Variants in EFCAB5 observed in about 807,000 individuals in gnomAD.
EFCAB5 encodes EF-hand calcium-binding domain-containing protein 5.
A neutral mutation model predicts 167.9 loss-of-function variants in EFCAB5; 131 were observed. The ratio of observed to expected loss-of-function variants is 0.78; its 90% CI spans 0.68 to 0.90. EFCAB5 has a LOEUF of 0.90. Among genes scored for constraint, EFCAB5 ranks in the 40% least tolerant of loss-of-function variants. The probability of loss-of-function intolerance (pLI) is 0.00; values close to 1 mark genes in which losing one functional copy is unlikely to be tolerated. For synonymous variants in EFCAB5, 574 were observed against 602.8 expected, an observed-to-expected ratio of 0.95 and a Z score of 0.70; for missense variants, 1,663 against 1,745.2, an observed-to-expected ratio of 0.95 and a Z score of 0.84.
intron 9 of EFCAB5, 50 bp from the exon 10 acceptor site, chr17:30,053,205 C>A (rs2070149166): frequency 6.5e-7 from 1 of 1,528,136 alleles, no homozygotes; most frequent in African/African-American, 1.4e-5. Context: ...AGCTCTAATT[C>A]TGCATTATAA....
chr17:30,095,574 G>C (rs758588595), intron 22 of EFCAB5, among the ~76,000 whole-genome samples: 3 of 152,102 alleles, frequency 2.0e-5, no homozygotes, highest in Non-Finnish European at 4.4e-5. Context: ...CACGCTCCCT[G>C]CAACTCCATT....
chr17:29,951,645 G>A (rs141345270), intron 3 of EFCAB5, among the ~76,000 whole-genome samples: 13 of 152,056 alleles, frequency 8.5e-5, no homozygotes, highest in South Asian at 6.2e-4. Flanking sequence ...GTGAGCCACC[G>A]CACCCAGCCA....
At chr17:30,094,513 A>T in intron 22 of EFCAB5, among the ~76,000 whole-genome samples, 1 of 146,468 alleles carries the variant, frequency 6.8e-6, no homozygotes, top group Non-Finnish European at 1.5e-5. Context: ...TCTCCAAAAA[A>T]AAAAAAAAAA....
rs751488256 is a variant in EFCAB5, at chr17:30,053,461, C to G, written c.1507C>G (p.Pro503Ala). Residue 503 changes from proline (P) to alanine (A), a missense_variant, in exon 10 of 23, where the codon CCA becomes GCA. Coordinates refer to ENST00000394835, the MANE Select transcript of EFCAB5 (RefSeq NM_198529.4). ...LNEQRTSTPS[P>A]NPPEQQRGVT... ...CGAACAGAGAACATCAACACCATCA[C>G]CAAACCCGCCAGAACAGCAGAGAGG... 6.2e-7 allele frequency: 1 copy of G among 1,613,968 alleles called. No homozygotes were observed. Among genetic ancestry groups the G allele is most frequent in the South Asian group, 1.1e-5 (1 of 91,084 alleles).
chr17:29,996,320 T>A lies in EFCAB5; in HGVS notation c.933T>A (p.Asn311Lys), dbSNP rs983316713. The A allele has an allele frequency of 7.1e-6, 11 of 1,550,634 alleles. No individual in the cohort carries two copies. Among genetic ancestry groups the A allele is most frequent in the Non-Finnish European group, 9.6e-6 (11 of 1,146,736 alleles). ...CCTCTTTTGAGTTGCAGATTCAGAATGTTCTTCAAGAATTCTTTCAAAATC... is the reference window on the plus strand; with the variant it reads ...CCTCTTTTGAGTTGCAGATTCAGAAAGTTCTTCAAGAATTCTTTCAAAATC... ...KGMIPKSVIQ[N>K]VLQEFFQNPD... is the part of the protein sequence containing the mutation. Residue 311 changes from asparagine (N) to lysine (K), a missense_variant, in exon 6 of 23, where the codon AAT becomes AAA. Asn to Lys is a moderately conservative substitution (Grantham distance 94, BLOSUM62 0). Coordinates refer to ENST00000394835, the MANE Select transcript of EFCAB5 (RefSeq NM_198529.4).
upstream of EFCAB5, among the ~76,000 whole-genome samples, chr17:29,939,038 T>C (rs1289145181): frequency 6.6e-6 from 1 of 152,226 alleles, no homozygotes; most frequent in Non-Finnish European, 1.5e-5. Flanking sequence ...AGCTATAGCC[T>C]TATGAAATGT....
At chr17:29,991,833 T>C (rs2151633278) in intron 4 of EFCAB5, among the ~76,000 whole-genome samples, 1 of 152,348 alleles carries the variant, frequency 6.6e-6, no homozygotes, top group African/African-American at 2.4e-5. Flanking sequence ...CTTATTGCAT[T>C]CAACCTTGCC....
intron 3 of EFCAB5, among the ~76,000 whole-genome samples, chr17:29,960,227 A>G (rs1436965352): frequency 6.6e-6 from 1 of 152,160 alleles, no homozygotes; most frequent in Non-Finnish European, 1.5e-5. Flanking sequence ...TGGTATACGC[A>G]TTTCAAGACT....
At chr17:29,988,483 A>G (rs2151625496) in intron 4 of EFCAB5, among the ~76,000 whole-genome samples, 1 of 152,362 alleles carries the variant, frequency 6.6e-6, no homozygotes, top group South Asian at 2.1e-4. Context: ...AGCCAGAATA[A>G]GAAGCTTTAC....
intron 7 of EFCAB5, among the ~76,000 whole-genome samples, chr17:30,011,380 A>G (rs995487696): frequency 1.3e-5 from 2 of 152,052 alleles, no homozygotes; most frequent in South Asian, 4.1e-4. Flanking sequence ...CACTGAATCT[A>G]TAAATTACCT....
At position 29,942,225 on chromosome 17, in the gene EFCAB5, CTG is replaced by C. The variant is rs1434453209; in HGVS notation, c.43-13_43-12del. 8.9e-6 allele frequency: 14 copies of C among 1,575,104 alleles called. No individual in the cohort carries two copies. In the East Asian group the frequency reaches 3.0e-4, roughly 34 times the overall value. On this transcript the variant is annotated splice_polypyrimidine_tract_variant and intron_variant, in intron 1 of 22. Coordinates refer to ENST00000394835, the MANE Select transcript of EFCAB5 (RefSeq NM_198529.4). ...TCTTTTTGGATGCCATTTACTAACA[CTG>C]TTTGCATTTCAGGAAAACAGAAAAG...
At chr17:30,025,056 C>T (rs2069281225) in intron 7 of EFCAB5, among the ~76,000 whole-genome samples, 2 of 151,974 alleles carry the variant, frequency 1.3e-5, no homozygotes, top group South Asian at 2.1e-4. Context: ...AAGACTTAAA[C>T]GTTAGACCTA....
chr17:30,023,362 C>T (rs1366619029), intron 7 of EFCAB5, among the ~76,000 whole-genome samples: 2 of 151,888 alleles, frequency 1.3e-5, no homozygotes, highest in Non-Finnish European at 2.9e-5. Context: ...ACCACCGATC[C>T]CACAGAAATA....
At chr17:29,934,027 A>G (rs774058841) in intron 1 of EFCAB5, among the ~76,000 whole-genome samples, 37 of 152,362 alleles carry the variant, frequency 2.4e-4, no homozygotes, top group Non-Finnish European at 4.9e-4. Context: ...ATTAAGGATG[A>G]CACTAAATAT....
At position 30,080,955 on chromosome 17, in the gene EFCAB5, C is replaced by A. The variant is rs1180821613; in HGVS notation, c.3400C>A (p.Leu1134Ile). Residue 1134 changes from leucine to isoleucine, a missense_variant, in exon 17 of 23, where the codon CTA becomes ATA. Leu to Ile is a conservative substitution (Grantham distance 5). Coordinates refer to ENST00000394835, the MANE Select transcript of EFCAB5 (RefSeq NM_198529.4). ...AGATCCCCACGAAATAAACATCTTTCTACCTCATGAGATCAGATTCTATCA... is the reference window on the plus strand; with the variant it reads ...AGATCCCCACGAAATAAACATCTTTATACCTCATGAGATCAGATTCTATCA... ...LRDPHEINIF[L>I]PHEIRFYQGV... 1 of 1,613,038 alleles carries A rather than the reference C, an allele frequency of 6.2e-7. No homozygotes were observed. Among genetic ancestry groups the A allele is most frequent in the East Asian group, 2.2e-5 (1 of 44,868 alleles).
intron 14 of EFCAB5, chr17:30,073,091 C>T: frequency 1.5e-6 from 1 of 674,836 alleles, no homozygotes; most frequent in Non-Finnish European, 2.7e-6. Context: ...AGGTCTCACT[C>T]TGTCGCCAGG....
intron 14 of EFCAB5, among the ~76,000 whole-genome samples, chr17:30,065,415 G>A (rs1199535288): frequency 6.6e-6 from 1 of 152,134 alleles, no homozygotes; most frequent in Non-Finnish European, 1.5e-5. Context: ...TGTAATCCCA[G>A]CATTTCGGGA....
intron 8 of EFCAB5, among the ~76,000 whole-genome samples, chr17:30,045,723 G>T (rs1382327823): frequency 6.6e-6 from 1 of 151,868 alleles, no homozygotes; most frequent in African/African-American, 2.4e-5. Context: ...AAATTACCTG[G>T]GTATCGTGGT....
intron 3 of EFCAB5, among the ~76,000 whole-genome samples, chr17:29,953,028 T>C: frequency 6.6e-6 from 1 of 152,166 alleles, no homozygotes; most frequent in Non-Finnish European, 1.5e-5. Flanking sequence ...ATAGCGAGTT[T>C]ACCTGGCCAG....
Sources: gnomAD v4.1 joint callset for allele counts (sites outside exome capture counted in the v4.1 genomes callset) on GRCh38, gnomAD v4.1.1 for gene constraint, MANE v1.5 for transcripts, NCBI Gene and HGNC (gene_info 2026-07-23, HGNC 2026-07-21) for gene names.